TRARG1: variants seen among roughly 807,000 people sequenced by gnomAD.
The protein encoded by TRARG1 is trafficking regulator of GLUT4 (SLC2A4) 1 (gene/pseudogene).
A neutral mutation model predicts 13.3 loss-of-function variants in TRARG1; 16 were observed. The observed-to-expected ratio is 1.20, with a 90% confidence interval of 0.81 to 1.83. TRARG1 has a LOEUF of 1.83. TRARG1 is among the 40% of genes most tolerant of loss of function. TRARG1 has a pLI of 0.00. For missense variants in TRARG1, 250 were observed against 237.4 expected, an observed-to-expected ratio of 1.05 and a Z score of -0.35; for synonymous variants, 113 against 106.2, an observed-to-expected ratio of 1.06 and a Z score of -0.39.
chr17:1,289,516 T>A (rs1353285421), intron 1 of TRARG1, among the ~76,000 whole-genome samples: 7 of 149,076 alleles, frequency 4.7e-5, no homozygotes, highest in Non-Finnish European at 8.9e-5. Flanking sequence ...AGTTCCATAT[T>A]TCATCCTTAT....
intron 1 of TRARG1, among the ~76,000 whole-genome samples, chr17:1,284,721 C>A (rs766456551): frequency 1.3e-5 from 2 of 151,990 alleles, no homozygotes; most frequent in Non-Finnish European, 2.9e-5. Context: ...TGCTCTGTCG[C>A]CCAGGCTGGA....
chr17:1,287,356 G>GTT (rs373850155), intron 1 of TRARG1, among the ~76,000 whole-genome samples: 18 of 150,160 alleles, frequency 1.2e-4, no homozygotes, highest in African/African-American at 4.2e-4. Flanking sequence ...TGTTGTTTTT[G>GTT]TTTTTTTTTG....
At chr17:1,285,989 C>G (rs1007813353) in intron 1 of TRARG1, among the ~76,000 whole-genome samples, 1 of 152,052 alleles carries the variant, frequency 6.6e-6, no homozygotes, top group Admixed American at 6.6e-5. Context: ...GCCTTGGCCA[C>G]GCATAGATCC....
intron 1 of TRARG1, among the ~76,000 whole-genome samples, chr17:1,287,652 C>T (rs1210493803): frequency 2.0e-5 from 3 of 148,200 alleles, no homozygotes; most frequent in African/African-American, 5.0e-5. Context: ...TGAGCCACTG[C>T]GTCTGGCCTG....
chr17:1,284,567 G>A (rs957215575), intron 1 of TRARG1, among the ~76,000 whole-genome samples: 1 of 152,216 alleles, frequency 6.6e-6, no homozygotes, highest in Non-Finnish European at 1.5e-5. Context: ...CTAAGAGTGG[G>A]TTGTACCGAC....
At chr17:1,295,237 C>A (rs900884988) in intron 1 of TRARG1, among the ~76,000 whole-genome samples, 6 of 152,232 alleles carry the variant, frequency 3.9e-5, no homozygotes, top group Admixed American at 3.3e-4. Context: ...AGAAGAAGTG[C>A]CAGGCTTTGC....
chr17:1,295,661 G>C (rs201241743), intron 2 of TRARG1, 38 bp downstream of exon 2: 2 of 1,591,194 alleles, frequency 1.3e-6, no homozygotes, highest in Non-Finnish European at 1.7e-6. Flanking sequence ...AAGCCAGCTT[G>C]CCTGGTGTGA....
At chr17:1,283,956 C>CA (rs1187818896) in intron 1 of TRARG1, among the ~76,000 whole-genome samples, 1 of 151,654 alleles carries the variant, frequency 6.6e-6, no homozygotes, top group African/African-American at 2.4e-5. Context: ...ACTAAAAATG[C>CA]AAAAAATTAG....
rs114471108 is a variant in TRARG1, at chr17:1,286,690, G to C, written c.387+6302G>C. ...TTGGCCTGAGGGGTGTTATCAGCCT[G>C]TGGGGTGTTGTTGGCCTGTGGGTGT... On this transcript the variant is annotated intron_variant, in intron 1 of 2. Transcript: ENST00000333813. 9.1e-3 allele frequency among the ~76,000 whole-genome samples: 1,304 copies of C among 143,434 alleles called. 25 individuals carry two copies. The highest frequency in any genetic ancestry group is 0.032 in the African/African-American group (1,247 of 38,974). The allele number at this position is 143,434 out of a possible 152,430, so 94.1% of individuals were successfully genotyped here.
chr17:1,293,584 TCG>T, intron 1 of TRARG1, among the ~76,000 whole-genome samples: 1 of 71,784 alleles, frequency 1.4e-5, no homozygotes, highest in Admixed American at 1.4e-4. Context: ...TTTGATGATG[TCG>T]TGGGTTGAGT....
intron 1 of TRARG1, among the ~76,000 whole-genome samples, chr17:1,281,213 C>T (rs1004085349): frequency 2.6e-5 from 4 of 152,186 alleles, no homozygotes. Context: ...AAAATGTCAG[C>T]AGATATTGGC....
rs375551926 is a variant in TRARG1 at position 1,292,051 on chromosome 17, C to A, written c.388-3440C>A. Among the ~76,000 whole-genome samples the A allele has an allele frequency of 9.9e-4, 151 of 152,198 alleles. 1 individual carries two copies. Among genetic ancestry groups the A allele is most frequent in the African/African-American group, 3.5e-3 (144 of 41,530 alleles). On this transcript the variant is annotated intron_variant, in intron 1 of 2. Transcript: ENST00000333813. Reference sequence around the variant, plus strand: ...CCAGGCGTGGTGGATGCCTGTAATCCCAGCTACTTGGGAGGCTGAGGCAGG... The same window carrying A: ...CCAGGCGTGGTGGATGCCTGTAATCACAGCTACTTGGGAGGCTGAGGCAGG...
At chr17:1,285,011 G>A (rs1598189558) in intron 1 of TRARG1, among the ~76,000 whole-genome samples, 2 of 152,116 alleles carry the variant, frequency 1.3e-5, no homozygotes, top group Non-Finnish European at 2.9e-5. Flanking sequence ...CAGGCACCGT[G>A]TTGGCATTTG....
At chr17:1,291,961 C>T (rs1299721824) in intron 1 of TRARG1, among the ~76,000 whole-genome samples, 6 of 152,056 alleles carry the variant, frequency 3.9e-5, no homozygotes, top group Non-Finnish European at 5.9e-5. Context: ...CACCTGAGGT[C>T]GGGAGTTCAA....
chr17:1,291,144 A>G (rs9910974), intron 1 of TRARG1, among the ~76,000 whole-genome samples: 66,017 of 151,346 alleles, frequency 0.44, 14,586 homozygotes, highest in South Asian at 0.52. Flanking sequence ...GACCTCAGGT[A>G]ATCCACTCAC....
chr17:1,286,070 A>T (rs2150807734), intron 1 of TRARG1, among the ~76,000 whole-genome samples: 1 of 152,332 alleles, frequency 6.6e-6, no homozygotes, highest in African/African-American at 2.4e-5. Context: ...TCCTGGAAGC[A>T]GTGGAGAGAT....
rs79967867 is a variant in TRARG1 at position 1,300,082 on chromosome 17, G to A, written c.*1818G>A. On this transcript the variant is annotated 3_prime_UTR_variant, in exon 3 of 3. Coordinates refer to ENST00000333813, the MANE Select transcript of TRARG1 (RefSeq NM_172367.3). ...CAGCCTCTCCTGCTCATACAGAAGG[G>A]ACTGGTTGGGTTTGCTTTATGGGAT... is the stretch of plus-strand genomic sequence containing the variant. 0.017 allele frequency: 2,612 copies of A among 152,412 alleles called. 36 individuals carry two copies. Among genetic ancestry groups the A allele is most frequent in the Middle Eastern group, 0.058 (17 of 294 alleles). The allele number at this position is 152,412 out of a possible 1,614,324, so 9.4% of individuals were successfully genotyped here. A position where few individuals can be genotyped will look rare whatever the true frequency, so the allele number is the denominator to read the frequency against.
At chr17:1,284,154 A>G (rs568268205) in intron 1 of TRARG1, among the ~76,000 whole-genome samples, 1 of 152,084 alleles carries the variant, frequency 6.6e-6, no homozygotes, top group South Asian at 2.1e-4. Context: ...AAAGAAAGAA[A>G]GAAACCCTGT....
intron 1 of TRARG1, among the ~76,000 whole-genome samples, chr17:1,282,315 T>TATATGTACGTATATGTACATATGCGTAC (rs1567928403): frequency 8.6e-5 from 10 of 116,454 alleles, no homozygotes; most frequent in Non-Finnish European, 6.1e-5. Flanking sequence ...CATATGCGTA[T>TATATGTACGTATATGTACATATGCGTAC]ATATGTACAT....
Sources: allele counts gnomAD v4.1 joint callset (sites outside exome capture counted in the v4.1 genomes callset), GRCh38; gene constraint gnomAD v4.1.1; transcripts MANE v1.5; gene names NCBI Gene and HGNC (gene_info 2026-07-23, HGNC 2026-07-21).